FLRT2: variants seen among roughly 807,000 people sequenced by gnomAD.
FLRT2 encodes the protein fibronectin leucine rich transmembrane protein 2, also known as leucine-rich repeat transmembrane protein FLRT2.
A neutral mutation model predicts 40.0 loss-of-function variants in FLRT2; 15 were observed. The observed-to-expected ratio is 0.38, with a 90% CI of 0.25 to 0.58. The LOEUF is 0.58. FLRT2 is among the 20% of genes least tolerant of loss of function. The pLI is 0.71. For missense variants in FLRT2, 726 were observed against 840.0 expected, an observed-to-expected ratio of 0.86 and a Z score of 1.68; for synonymous variants, 380 against 336.8, an observed-to-expected ratio of 1.13 and a Z score of -1.41.
At chr14:85,540,063 AT>A (rs930669461) in intron 1 of FLRT2, among the ~76,000 whole-genome samples, 31 of 152,110 alleles carry the variant, frequency 2.0e-4, no homozygotes, top group South Asian at 6.2e-4. Flanking sequence ...AATTTTGAGG[AT>A]TTTTTTTGGA....
chr14:85,609,025 T>C (rs1335757989), intron 1 of FLRT2, among the ~76,000 whole-genome samples: 1 of 152,208 alleles, frequency 6.6e-6, no homozygotes, highest in Non-Finnish European at 1.5e-5. Context: ...AAAGTGGCAG[T>C]GCAGGGATAA....
intron 1 of FLRT2, among the ~76,000 whole-genome samples, chr14:85,569,575 G>A (rs188213089): frequency 3.3e-5 from 5 of 152,326 alleles, no homozygotes; most frequent in East Asian, 3.9e-4. Context: ...GACACTGGAC[G>A]TGTACTTTAG....
At chr14:85,588,193 A>T (rs1054085571) in intron 1 of FLRT2, among the ~76,000 whole-genome samples, 1 of 152,126 alleles carries the variant, frequency 6.6e-6, no homozygotes, top group African/African-American at 2.4e-5. Flanking sequence ...ATTAGTGCCT[A>T]TTTTTGTCTC....
chr14:85,547,859 TC>T (rs1889371721), intron 1 of FLRT2, among the ~76,000 whole-genome samples: 3 of 152,154 alleles, frequency 2.0e-5, no homozygotes, highest in Admixed American at 2.0e-4. Flanking sequence ...ATTGGTTCAG[TC>T]CAGAAAGGTG....
rs1224442010 is a variant in FLRT2 at position 85,636,291 on chromosome 14, T to C, written c.*12794T>C. ...AAGTAACTATAATAAAAGTATTTAA[T>C]GGTATTTGTATTGCAAACATTGAAA... On this transcript the variant is annotated 3_prime_UTR_variant, in exon 2 of 2. Transcript: ENST00000330753. 1 of 150,114 alleles carries C rather than the reference T, an allele frequency of 6.7e-6. No individual in the cohort carries two copies. The highest frequency in any genetic ancestry group is 1.5e-5 in the Non-Finnish European group (1 of 67,776). The allele number at this position is 150,114 out of a possible 1,614,324, so 9.3% of individuals were successfully genotyped here.
intron 1 of FLRT2, among the ~76,000 whole-genome samples, chr14:85,588,433 G>T (rs886737384): frequency 1.3e-5 from 2 of 148,442 alleles, no homozygotes; most frequent in Non-Finnish European, 3.0e-5. Context: ...TAAATGACTT[G>T]ATCCAGTTCC....
chr14:85,601,934 T>C (rs760813222), intron 1 of FLRT2, among the ~76,000 whole-genome samples: 14 of 152,108 alleles, frequency 9.2e-5, no homozygotes, highest in Admixed American at 2.0e-4. Flanking sequence ...GTTCTAGAAA[T>C]AGTTGCTTCT....
At chr14:85,534,384 T>C (rs1888514665) in intron 1 of FLRT2, among the ~76,000 whole-genome samples, 1 of 152,214 alleles carries the variant, frequency 6.6e-6, no homozygotes, top group South Asian at 2.1e-4. Flanking sequence ...GCCCACTCCC[T>C]ACTCTCCTGC....
intron 1 of FLRT2, among the ~76,000 whole-genome samples, chr14:85,537,523 C>T (rs1426392122): frequency 6.6e-6 from 1 of 151,930 alleles, no homozygotes; most frequent in Non-Finnish European, 1.5e-5. Context: ...CTACATGTCG[C>T]GAATTGACGT....
At position 85,639,400 on chromosome 14, in the gene FLRT2, G is replaced by A. The variant is rs1470111631; in HGVS notation, c.*15903G>A. 6.6e-6 allele frequency: 1 copy of A among 151,996 alleles called. No individual in the cohort carries two copies. Among genetic ancestry groups the A allele is most frequent in the African/African-American group, 2.4e-5 (1 of 41,374 alleles). The allele number at this position is 151,996 out of a possible 1,614,324, so 9.4% of individuals were successfully genotyped here. A position where few individuals can be genotyped will look rare whatever the true frequency, so the allele number is the denominator to read the frequency against. ...CAGCTTTTCTTGAAAGTAGTTTACC[G>A]GGTTGGGCAAAAAGAGGATGAGTAT... On this transcript the variant is annotated 3_prime_UTR_variant, in exon 2 of 2. Coordinates refer to ENST00000330753, the MANE Select transcript of FLRT2 (RefSeq NM_013231.6).
At chr14:85,600,240 AAG>A (rs1892325748) in intron 1 of FLRT2, among the ~76,000 whole-genome samples, 1 of 152,206 alleles carries the variant, frequency 6.6e-6, no homozygotes, top group Admixed American at 6.5e-5. Context: ...AAGTCAGAAA[AAG>A]AGCTTGAAAG....
rs1192265327 is a variant in FLRT2 at position 85,627,306 on chromosome 14, G to C, written c.*3809G>C. On this transcript the variant is annotated 3_prime_UTR_variant, in exon 2 of 2. Coordinates refer to ENST00000330753, the MANE Select transcript of FLRT2 (RefSeq NM_013231.6). Reference sequence around the variant, plus strand: ...TTGGTCTTGTCAAACCTTGCCTGATGCTCTTTCTAAAGTCAAAATATGAAT... The same window carrying C: ...TTGGTCTTGTCAAACCTTGCCTGATCCTCTTTCTAAAGTCAAAATATGAAT... The C allele has an allele frequency of 2.4e-5, 4 of 167,024 alleles. No individual in the cohort carries two copies. The highest frequency in any genetic ancestry group is 4.4e-5 in the Non-Finnish European group (3 of 68,114). The allele number at this position is 167,024 out of a possible 1,614,324, so 10.3% of individuals were successfully genotyped here. A position where few individuals can be genotyped will look rare whatever the true frequency, so the allele number is the denominator to read the frequency against.
At position 85,638,312 on chromosome 14, in the gene FLRT2, T is replaced by G. The variant is rs1894060043; in HGVS notation, c.*14815T>G. 1 of 152,238 alleles carries G rather than the reference T, an allele frequency of 6.6e-6. No homozygotes were observed. Among genetic ancestry groups the G allele is most frequent in the Non-Finnish European group, 1.5e-5 (1 of 68,096 alleles). 9.4% of individuals were successfully genotyped at this position (152,238 alleles called of 1,614,324 possible). A position where few individuals can be genotyped will look rare whatever the true frequency, so the allele number is the denominator to read the frequency against. ...TTCGCCCAGGCTGAAGACAGAGTGC[T>G]TTCCCATGGTTCTGTCTTTTTCTCC... On this transcript the variant is annotated 3_prime_UTR_variant, in exon 2 of 2. Coordinates refer to ENST00000330753, the MANE Select transcript of FLRT2 (RefSeq NM_013231.6).
intron 1 of FLRT2, among the ~76,000 whole-genome samples, chr14:85,530,753 CCTCCTCTACGGAGCATCATGACTGA>C (rs1888224545): frequency 6.6e-6 from 1 of 152,120 alleles, no homozygotes; most frequent in Non-Finnish European, 1.5e-5. Flanking sequence ...GTCGAATCCA[CCTCCTCTACGGAGCATCATGACTGA>C]GTTCTGGGTC....
intron 1 of FLRT2, among the ~76,000 whole-genome samples, chr14:85,571,271 G>C (rs1054430820): frequency 2.6e-5 from 4 of 152,010 alleles, no homozygotes; most frequent in African/African-American, 9.7e-5. Flanking sequence ...ATTTCTTTGA[G>C]AATAGAAATT....
At chr14:85,582,963 G>A (rs1823086069) in intron 1 of FLRT2, among the ~76,000 whole-genome samples, 1 of 151,682 alleles carries the variant, frequency 6.6e-6, no homozygotes, top group South Asian at 2.1e-4. Flanking sequence ...CACAGCTCTG[G>A]AGGTTAAAGC....
Position 85,621,406 on chromosome 14 carries a change from G to C in FLRT2, c.-109G>C. 1 of 984,640 alleles carries C rather than the reference G, an allele frequency of 1.0e-6. No individual in the cohort carries two copies. The highest frequency in any genetic ancestry group is 1.5e-6 in the Non-Finnish European group (1 of 679,504). 61.0% of individuals were successfully genotyped at this position (984,640 alleles called of 1,614,324 possible). A position where few individuals can be genotyped will look rare whatever the true frequency, so the allele number is the denominator to read the frequency against. On this transcript the variant is annotated 5_prime_UTR_variant, in exon 2 of 2. Transcript: ENST00000330753. ...GCCCTCAGGACGTTCCCTCTAGCTGGAGTTCTGGACTTCAACAGAACCCCA... is the reference window on the plus strand; with the variant it reads ...GCCCTCAGGACGTTCCCTCTAGCTGCAGTTCTGGACTTCAACAGAACCCCA...
intron 1 of FLRT2, among the ~76,000 whole-genome samples, chr14:85,618,501 T>A (rs1390669756): frequency 6.6e-6 from 1 of 152,216 alleles, no homozygotes; most frequent in Non-Finnish European, 1.5e-5. Flanking sequence ...CAAGTAACTC[T>A]TTAATGTCCT....
At chr14:85,577,534 G>GA (rs1891168551) in intron 1 of FLRT2, among the ~76,000 whole-genome samples, 2 of 151,974 alleles carry the variant, frequency 1.3e-5, no homozygotes, top group Non-Finnish European at 2.9e-5. Context: ...CTTTTAGTCT[G>GA]GCTATTAGCC....
Sources: gnomAD v4.1 joint callset for allele counts (sites outside exome capture counted in the v4.1 genomes callset) on GRCh38, gnomAD v4.1.1 for gene constraint, MANE v1.5 for transcripts, NCBI Gene and HGNC (gene_info 2026-07-23, HGNC 2026-07-21) for gene names.